ADAMTS12: variants seen among roughly 807,000 people sequenced by gnomAD.
ADAMTS12 encodes the protein ADAM metallopeptidase with thrombospondin type 1 motif 12.
In ADAMTS12, 118 loss-of-function variants were observed where a neutral mutation model predicts 167.8. The observed-to-expected ratio is 0.70, with a 90% confidence interval of 0.61 to 0.82. ADAMTS12 has a LOEUF of 0.82. Ranked by LOEUF, ADAMTS12 falls within the 40% of genes least tolerant of loss-of-function variation. The pLI is 0.00. For synonymous variants in ADAMTS12, 704 were observed against 716.9 expected (o/e 0.98, Z 0.29); for missense variants, 1,916 against 1,998.8 (o/e 0.96, Z 0.79).
At chr5:33,847,803 C>A (rs1291692726) in intron 2 of ADAMTS12, among the ~76,000 whole-genome samples, 4 of 152,136 alleles carry the variant, frequency 2.6e-5, no homozygotes, top group Non-Finnish European at 4.4e-5. Context: ...AGAAAACAGG[C>A]CACCTTTAAT....
intron 3 of ADAMTS12, among the ~76,000 whole-genome samples, chr5:33,714,327 A>C (rs1282023124): frequency 6.6e-6 from 1 of 152,160 alleles, no homozygotes; most frequent in Non-Finnish European, 1.5e-5. Flanking sequence ...TGTTGTTGGC[A>C]ATGTAAATCA....
chr5:33,667,540 T>C (rs961579573), intron 5 of ADAMTS12, among the ~76,000 whole-genome samples: 2 of 152,116 alleles, frequency 1.3e-5, no homozygotes, highest in Non-Finnish European at 2.9e-5. Context: ...TACTTTGCTG[T>C]GGTGGATGGG....
At chr5:33,763,744 C>T (rs1351582668) in intron 2 of ADAMTS12, among the ~76,000 whole-genome samples, 1 of 152,204 alleles carries the variant, frequency 6.6e-6, no homozygotes, top group Non-Finnish European at 1.5e-5. Flanking sequence ...TCCACCTTTT[C>T]CTATGTGGGA....
At chr5:33,641,655 C>T (rs1203851930) in intron 11 of ADAMTS12, among the ~76,000 whole-genome samples, 155 bp downstream of exon 11, 2 of 152,172 alleles carry the variant, frequency 1.3e-5, no homozygotes, top group African/African-American at 4.8e-5. Flanking sequence ...TTTTTCCCCA[C>T]TCTCTGTGAA....
chr5:33,695,573 T>G (rs770498174), intron 3 of ADAMTS12, among the ~76,000 whole-genome samples: 2 of 152,202 alleles, frequency 1.3e-5, no homozygotes, highest in African/African-American at 4.8e-5. Flanking sequence ...GATGTTATAC[T>G]AAGTGAAACA....
chr5:33,669,797 A>T (rs1441609313), intron 5 of ADAMTS12, among the ~76,000 whole-genome samples: 2 of 152,142 alleles, frequency 1.3e-5, no homozygotes, highest in African/African-American at 2.4e-5. Flanking sequence ...AAATAAACAA[A>T]AAGAGAGAAA....
At chr5:33,799,703 A>G (rs1746921352) in intron 2 of ADAMTS12, among the ~76,000 whole-genome samples, 1 of 152,194 alleles carries the variant, frequency 6.6e-6, no homozygotes, top group African/African-American at 2.4e-5. Flanking sequence ...TGTATTTCCC[A>G]TCTCTTTCTT....
rs201104396 is a variant in ADAMTS12, at chr5:33,542,762, T to C, written c.4446+3297A>G. Reference sequence around the variant, plus strand: ...ACTGAACAACTTGCTCCTGAATGACTACTGGGTACATAACGAAATGAAGGC... The same window carrying C: ...ACTGAACAACTTGCTCCTGAATGACCACTGGGTACATAACGAAATGAAGGC... On this transcript the variant is annotated intron_variant, in intron 22 of 23. Coordinates refer to ENST00000504830, the MANE Select transcript of ADAMTS12 (RefSeq NM_030955.4). Among the ~76,000 whole-genome samples, 3 of 152,200 alleles carry C rather than the reference T, an allele frequency of 2.0e-5. No individual in the cohort carries two copies. The East Asian group carries it at 5.8e-4, about 29-fold the overall frequency.
intron 16 of ADAMTS12, among the ~76,000 whole-genome samples, chr5:33,604,208 A>G (rs1738317288): frequency 1.3e-5 from 2 of 152,240 alleles, no homozygotes; most frequent in African/African-American, 4.8e-5. Context: ...AAGATGTCAT[A>G]AACTAGGAAT....
At chr5:33,600,909 G>A (rs765536674) in intron 16 of ADAMTS12, among the ~76,000 whole-genome samples, 10 of 152,058 alleles carry the variant, frequency 6.6e-5, no homozygotes, top group Admixed American at 1.3e-4. Context: ...TTATCCGTCC[G>A]TCTCTCTTGT....
chr5:33,547,291 G>A (rs1263270152), intron 21 of ADAMTS12, among the ~76,000 whole-genome samples: 4 of 152,204 alleles, frequency 2.6e-5, no homozygotes, highest in Middle Eastern at 3.4e-3. Flanking sequence ...GTGTTTGTTA[G>A]AAATGCAAAA....
At chr5:33,842,193 G>A (rs974715812) in intron 2 of ADAMTS12, among the ~76,000 whole-genome samples, 8 of 152,166 alleles carry the variant, frequency 5.3e-5, no homozygotes, top group African/African-American at 1.9e-4. Flanking sequence ...CATTGGAAAC[G>A]TTCATCTGTA....
rs570342717 is a variant in ADAMTS12, at chr5:33,670,684, G to C, written c.916-8644C>G. 5.1e-4 allele frequency among the ~76,000 whole-genome samples: 78 copies of C among 152,326 alleles called. 1 individual carries two copies. In the South Asian group the frequency reaches 9.7e-3, roughly 19 times the overall value. On this transcript the variant is annotated intron_variant, in intron 5 of 23. Transcript: ENST00000504830. ...TTGAATCCGGGAGTCAGAGGTTGCG[G>C]TGGGCCGAGATCGTGCCACTGCACT... is the stretch of plus-strand genomic sequence containing the variant.
In ADAMTS12 at chr5:33,546,097, G is replaced by A. The variant is rs975779729; in HGVS notation, c.4408C>T (p.His1470Tyr). ...RPTSTMSCNE[H>Y]LCCHWATGNW... ...CCAGTGGCCCAGTGACAGCACAGGT[G>A]CTCATTGCAAGACATGGTGGATGTG... The change falls in exon 22 of 24, where the codon CAC (histidine) becomes TAC (tyrosine). Residue 1470 changes from histidine (H) to tyrosine (Y), a missense_variant. Physicochemically the swap from His to Tyr is moderately conservative, Grantham distance 83. Coordinates refer to ENST00000504830, the MANE Select transcript of ADAMTS12 (RefSeq NM_030955.4). 4 of 1,613,728 alleles carry A rather than the reference G, an allele frequency of 2.5e-6. No individual in the cohort carries two copies. The highest frequency in any genetic ancestry group is 3.4e-6 in the Non-Finnish European group (4 of 1,179,958).
At chr5:33,836,652 A>G (rs1294784713) in intron 2 of ADAMTS12, among the ~76,000 whole-genome samples, 3 of 152,104 alleles carry the variant, frequency 2.0e-5, no homozygotes, top group South Asian at 2.1e-4. Flanking sequence ...GCCAAGAAAA[A>G]GAAAGTAAGG....
At position 33,662,059 on chromosome 5, in the gene ADAMTS12, G is replaced by C; in HGVS notation, c.916-19C>G. ...GTCCTTGCTGGAGAAAGAAGAGGAA[G>C]AGATTAGCATGGGAGAGCTCACTGT... is the stretch of plus-strand genomic sequence containing the variant. On this transcript the variant is annotated intron_variant, in intron 5 of 23. Coordinates refer to ENST00000504830, the MANE Select transcript of ADAMTS12 (RefSeq NM_030955.4). 6.2e-7 allele frequency: 1 copy of C among 1,604,706 alleles called. No individual in the cohort carries two copies. Among genetic ancestry groups the C allele is most frequent in the Non-Finnish European group, 8.5e-7 (1 of 1,179,038 alleles).
intron 2 of ADAMTS12, among the ~76,000 whole-genome samples, chr5:33,817,732 T>C (rs1455418057): frequency 2.6e-5 from 4 of 152,130 alleles, no homozygotes; most frequent in Non-Finnish European, 5.9e-5. Flanking sequence ...ACAACTACAA[T>C]GCTCTTTTCA....
intron 17 of ADAMTS12, among the ~76,000 whole-genome samples, chr5:33,590,115 T>C (rs573573757): frequency 9.8e-5 from 15 of 152,338 alleles, no homozygotes; most frequent in African/African-American, 3.6e-4. Flanking sequence ...CCTCTGACTT[T>C]TCTAAAGGAG....
At chr5:33,734,699 AG>A (rs1230918634) in intron 3 of ADAMTS12, among the ~76,000 whole-genome samples, 1 of 152,208 alleles carries the variant, frequency 6.6e-6, no homozygotes. Flanking sequence ...GCTGCAGCAA[AG>A]GATGACAACA....
Sources: allele counts gnomAD v4.1 joint callset (sites outside exome capture counted in the v4.1 genomes callset), GRCh38; gene constraint gnomAD v4.1.1; transcripts MANE v1.5; gene names NCBI Gene and HGNC (gene_info 2026-07-23, HGNC 2026-07-21).